Variants in THADA observed in about 807,000 individuals in gnomAD.
THADA encodes the protein tRNA (32-2'-O)-methyltransferase regulator THADA.
THADA carries 213 observed loss-of-function variants against 219.8 expected under a neutral mutation model. The observed-to-expected ratio is 0.97, with a 90% confidence interval of 0.87 to 1.09. The LOEUF (loss-of-function observed/expected upper bound fraction) is 1.09, where lower values mean the gene tolerates loss of function less well. Ranked by LOEUF, THADA falls within the 50% of genes least tolerant of loss-of-function variation. The pLI, the probability that THADA is intolerant of heterozygous loss-of-function variation, is 0.00. For missense variants in THADA, 2,956 were observed against 2,311.3 expected (o/e 1.28, Z -5.72); for synonymous variants, 1,018 against 828.9 (o/e 1.23, Z -3.92).
At chr2:43,322,121 C>T (rs1439676846) in intron 30 of THADA, among the ~76,000 whole-genome samples, 1 of 151,806 alleles carries the variant, frequency 6.6e-6, no homozygotes, top group Non-Finnish European at 1.5e-5. Context: ...CTGCAACCTC[C>T]ACCTCCTGAA....
intron 7 of THADA, among the ~76,000 whole-genome samples, chr2:43,585,195 T>C (rs919585670): frequency 3.3e-5 from 5 of 151,920 alleles, no homozygotes; most frequent in Non-Finnish European, 5.9e-5. Flanking sequence ...TTCAAATCAA[T>C]CCTTGGTGTC....
intron 20 of THADA, among the ~76,000 whole-genome samples, chr2:43,545,038 G>A (rs1159744542): frequency 1.3e-5 from 2 of 152,170 alleles, no homozygotes; most frequent in African/African-American, 4.8e-5. Flanking sequence ...TTATTATTTT[G>A]AGATACGTCC....
chr2:43,549,312 C>A lies in THADA; in HGVS notation c.3004G>T (p.Asp1002Tyr). The change falls in exon 20 of 38, where the codon GAT (aspartate) becomes TAT (tyrosine). Residue 1002 changes from aspartate (D) to tyrosine (Y), a missense_variant. By Grantham distance (160) the Asp-to-Tyr change is radical. Transcript: ENST00000405975. ...LNEIQPRDTN[D>Y]YFNQAKILKE... ...AATATTTTGGCTTGGTTAAAATAATCATTAGTATCTCGAGGCTGAATCTCA... is the reference window on the plus strand; with the variant it reads ...AATATTTTGGCTTGGTTAAAATAATAATTAGTATCTCGAGGCTGAATCTCA... 6.2e-7 allele frequency: 1 copy of A among 1,601,826 alleles called. No individual in the cohort carries two copies. The highest frequency in any genetic ancestry group is 8.5e-7 in the Non-Finnish European group (1 of 1,174,352).
chr2:43,247,099 G>A (rs1436712677), intron 36 of THADA, among the ~76,000 whole-genome samples: 2 of 152,152 alleles, frequency 1.3e-5, no homozygotes, highest in African/African-American at 4.8e-5. Flanking sequence ...GAGACTCCAG[G>A]GGTCCACTGC....
intron 20 of THADA, among the ~76,000 whole-genome samples, chr2:43,544,782 A>G (rs372374016): frequency 3.3e-5 from 5 of 151,580 alleles, no homozygotes; most frequent in Admixed American, 2.6e-4. Context: ...TGGGCTGAGA[A>G]AATGGGGTTT....
At chr2:43,552,380 A>G in intron 17 of THADA, 41 bp from the exon 18 acceptor site, 4 of 1,566,226 alleles carry the variant, frequency 2.6e-6, no homozygotes, top group Non-Finnish European at 3.5e-6. Context: ...TGTCAATCTT[A>G]AAACATTTGT....
chr2:43,595,862 G>T (rs950475881), intron 1 of THADA, 69 bp downstream of exon 1: 1 of 152,250 alleles, frequency 6.6e-6, no homozygotes, highest in African/African-American at 2.4e-5. Flanking sequence ...GGCTCGCCAG[G>T]CAGCCCTAGC....
intron 1 of THADA, 92 bp downstream of exon 1, chr2:43,595,839 T>C (rs1252899233): frequency 6.6e-6 from 1 of 152,238 alleles, no homozygotes; most frequent in Non-Finnish European, 1.5e-5. Flanking sequence ...TACCAAAGGA[T>C]GGGAATTGGT....
At chr2:43,570,646 T>C in intron 13 of THADA, 136 bp from the exon 14 acceptor site, 2 of 925,064 alleles carry the variant, frequency 2.2e-6, no homozygotes, top group Non-Finnish European at 3.0e-6. Context: ...TTTATAATGT[T>C]TCTTTTTGAC....
At chr2:43,368,696 C>T (rs565077653) in intron 29 of THADA, among the ~76,000 whole-genome samples, 4 of 152,136 alleles carry the variant, frequency 2.6e-5, no homozygotes, top group East Asian at 1.9e-4. Flanking sequence ...TCACTGTGCT[C>T]GGCCCACAGC....
Position 43,275,809 on chromosome 2 carries a change from C to T in THADA, c.5296+3956G>A, listed in dbSNP as rs374487743. On this transcript the variant is annotated intron_variant, in intron 36 of 37. Coordinates refer to ENST00000405975, the MANE Select transcript of THADA (RefSeq NM_022065.5). ...AATTTGTACCTTCATGGGTTCCTCT[C>T]CTGCTGCTCTCATCCAGAACTCTGC... Among the ~76,000 whole-genome samples the T allele has an allele frequency of 2.6e-5, 4 of 152,352 alleles. 1 individual carries two copies. The East Asian group carries it at 7.7e-4, about 29-fold the overall frequency.
At chr2:43,522,161 T>A (rs1003022598) in intron 22 of THADA, among the ~76,000 whole-genome samples, 3 of 152,192 alleles carry the variant, frequency 2.0e-5, no homozygotes, top group Admixed American at 6.5e-5. Flanking sequence ...AATAGATGTG[T>A]GCAGGAAGGT....
intron 10 of THADA, among the ~76,000 whole-genome samples, chr2:43,576,241 T>C (rs1376287886): frequency 6.6e-6 from 1 of 152,264 alleles, no homozygotes; most frequent in African/African-American, 2.4e-5. Flanking sequence ...AAAATTATTT[T>C]AGTTTTCCTC....
chr2:43,518,758 T>C (rs1173957592), intron 22 of THADA, among the ~76,000 whole-genome samples: 2 of 152,174 alleles, frequency 1.3e-5, no homozygotes, highest in African/African-American at 4.8e-5. Flanking sequence ...GCTTCATCTA[T>C]TTCCTCTGTT....
rs1558893140 is a variant in THADA, at chr2:43,515,354, T to TA, written c.3375-6575dup. 1.1e-3 allele frequency among the ~76,000 whole-genome samples: 50 copies of TA among 45,112 alleles called. 1 individual carries two copies. In the East Asian group the frequency reaches 0.022, roughly 20 times the overall value. 29.6% of individuals were successfully genotyped at this position (45,112 alleles called of 152,430 possible). On this transcript the variant is annotated intron_variant, in intron 22 of 37. Coordinates refer to ENST00000405975, the MANE Select transcript of THADA (RefSeq NM_022065.5). ...ATATAATATAATATATAATATTTTA[T>TA]ATATAATATATAATATATAATATAT...
chr2:43,407,092 G>C (rs1675641067), intron 28 of THADA, among the ~76,000 whole-genome samples: 1 of 152,312 alleles, frequency 6.6e-6, no homozygotes, highest in South Asian at 2.1e-4. Flanking sequence ...TGAGAAATCA[G>C]TAACAGGCTG....
At chr2:43,530,868 G>A in intron 21 of THADA, among the ~76,000 whole-genome samples, 1 of 123,128 alleles carries the variant, frequency 8.1e-6, no homozygotes, top group East Asian at 2.0e-4. Context: ...GGTATTCCTG[G>A]GCACAGAAAA....
At chr2:43,280,509 G>A (rs1673217655) in intron 35 of THADA, among the ~76,000 whole-genome samples, 1 of 152,142 alleles carries the variant, frequency 6.6e-6, no homozygotes, top group Admixed American at 6.6e-5. Context: ...ACGGGCGCCT[G>A]TATTCCCAGC....
At chr2:43,262,459 C>A (rs920445750) in intron 36 of THADA, among the ~76,000 whole-genome samples, 9 of 146,450 alleles carry the variant, frequency 6.1e-5, no homozygotes, top group African/African-American at 2.3e-4. Context: ...GGGCCTGGGG[C>A]CTGCCAATCA....
Sources: allele counts gnomAD v4.1 joint callset (sites outside exome capture counted in the v4.1 genomes callset), GRCh38; gene constraint gnomAD v4.1.1; transcripts MANE v1.5; gene names NCBI Gene and HGNC (gene_info 2026-07-23, HGNC 2026-07-21).